The following FBLN5 variants were observed in gnomAD, a reference collection of about 807,000 sequenced individuals.
FBLN5 encodes the protein fibulin-5.
In FBLN5, 24 loss-of-function variants were observed where a neutral mutation model predicts 61.6. The ratio of observed to expected loss-of-function variants is 0.39; its 90% CI spans 0.28 to 0.55. The LOEUF (loss-of-function observed/expected upper bound fraction) is 0.55, where lower values mean the gene tolerates loss of function less well. FBLN5 is among the 20% of genes least tolerant of loss of function. The pLI is 0.65. For missense variants in FBLN5, 470 were observed against 594.1 expected, an observed-to-expected ratio of 0.79 and a Z score of 2.17; for synonymous variants, 213 against 219.8, an observed-to-expected ratio of 0.97 and a Z score of 0.27.
chr14:91,928,857 G>A (rs2055874313), intron 4 of FBLN5, among the ~76,000 whole-genome samples: 1 of 151,974 alleles, frequency 6.6e-6, no homozygotes, highest in Admixed American at 6.6e-5. Flanking sequence ...AGGAGATCGA[G>A]ACCATCCTGG....
At chr14:91,945,737 C>A (rs2056173404) in intron 1 of FBLN5, among the ~76,000 whole-genome samples, 1 of 152,048 alleles carries the variant, frequency 6.6e-6, no homozygotes, top group South Asian at 2.1e-4. Context: ...GTCCCCAATC[C>A]AAAAAATAAG....
At chr14:91,914,528 T>C (rs1343544649) in intron 4 of FBLN5, among the ~76,000 whole-genome samples, 2 of 145,474 alleles carry the variant, frequency 1.4e-5, no homozygotes, top group African/African-American at 5.1e-5. Context: ...GGCAGTATAG[T>C]ACATACCTGT....
intron 4 of FBLN5, among the ~76,000 whole-genome samples, chr14:91,930,195 C>T (rs567936050): frequency 6.6e-6 from 1 of 152,306 alleles, no homozygotes; most frequent in Admixed American, 6.5e-5. Flanking sequence ...TATGATAAGC[C>T]AGCCTCGATG....
chr14:91,878,888 G>C (rs1262764447), intron 9 of FBLN5, among the ~76,000 whole-genome samples: 1 of 152,192 alleles, frequency 6.6e-6, no homozygotes, highest in African/African-American at 2.4e-5. Flanking sequence ...AGGATGACTT[G>C]AGTCCAGGAG....
At chr14:91,870,598 C>A (rs1888877206) in intron 10 of FBLN5, among the ~76,000 whole-genome samples, 1 of 152,234 alleles carries the variant, frequency 6.6e-6, no homozygotes, top group South Asian at 2.1e-4. Flanking sequence ...CTAAGAGGAG[C>A]CTTCTCTGGT....
At chr14:91,894,538 T>C (rs567747108) in intron 5 of FBLN5, among the ~76,000 whole-genome samples, 93 of 148,414 alleles carry the variant, frequency 6.3e-4, no homozygotes, top group Non-Finnish European at 4.3e-4. Flanking sequence ...CTGGCCAACA[T>C]GGCAAAAGCC....
chr14:91,892,463 C>T (rs1890035262), intron 5 of FBLN5, among the ~76,000 whole-genome samples: 1 of 152,224 alleles, frequency 6.6e-6, no homozygotes, highest in South Asian at 2.1e-4. Context: ...GGAAGGACTC[C>T]ACCTCCCAGA....
chr14:91,924,144 G>A (rs943885954), intron 4 of FBLN5, among the ~76,000 whole-genome samples: 1 of 152,172 alleles, frequency 6.6e-6, no homozygotes, highest in Admixed American at 6.5e-5. Context: ...TCATCACCAA[G>A]GTCTGATTGC....
chr14:91,910,206 A>G (rs1472944363), intron 4 of FBLN5, among the ~76,000 whole-genome samples: 3 of 152,174 alleles, frequency 2.0e-5, no homozygotes, highest in Non-Finnish European at 4.4e-5. Context: ...AAAGGAAGGA[A>G]ACTCTAGCAC....
intron 5 of FBLN5, among the ~76,000 whole-genome samples, chr14:91,891,539 C>A (rs1889997823): frequency 6.6e-6 from 1 of 152,140 alleles, no homozygotes; most frequent in Non-Finnish European, 1.5e-5. Context: ...CAATCTTTCC[C>A]CTCCTCGACC....
chr14:91,889,681 C>T (rs750901126), intron 6 of FBLN5, among the ~76,000 whole-genome samples: 4 of 152,242 alleles, frequency 2.6e-5, no homozygotes, highest in African/African-American at 9.6e-5. Context: ...CTTCCACACA[C>T]GAAGAGTCAG....
intron 9 of FBLN5, 86 bp downstream of exon 9, chr14:91,881,206 G>A: frequency 6.6e-7 from 1 of 1,514,200 alleles, no homozygotes; most frequent in Admixed American, 1.7e-5. Context: ...TTCCTGGCTG[G>A]TGCACTCTCT....
chr14:91,918,205 T>C (rs1230648423), intron 4 of FBLN5, among the ~76,000 whole-genome samples: 1 of 152,176 alleles, frequency 6.6e-6, no homozygotes, highest in Non-Finnish European at 1.5e-5. Flanking sequence ...CACATACCAT[T>C]TGGGAACAAA....
chr14:91,930,029 C>G (rs2055896948), intron 4 of FBLN5, among the ~76,000 whole-genome samples: 1 of 152,118 alleles, frequency 6.6e-6, no homozygotes, highest in Non-Finnish European at 1.5e-5. Context: ...TTTCAACTCC[C>G]TAAACGACAC....
intron 3 of FBLN5, among the ~76,000 whole-genome samples, chr14:91,937,938 A>G (rs2056046566): frequency 1.3e-5 from 2 of 152,266 alleles, no homozygotes; most frequent in Admixed American, 1.3e-4. Context: ...AAAGTCTTAC[A>G]TGACTACAGC....
At chr14:91,893,483 A>G (rs2244505) in intron 5 of FBLN5, among the ~76,000 whole-genome samples, 78,385 of 151,594 alleles carry the variant, frequency 0.52, 20,765 homozygotes, top group Admixed American at 0.67. Flanking sequence ...CAAGAAACTT[A>G]GAAAGAGGTA....
In FBLN5 at chr14:91,891,244, T is replaced by C. The variant is rs745867638; in HGVS notation, c.596A>G (p.Asn199Ser). The change falls in exon 6 of 11, where the codon AAT becomes AGT. Residue 199 changes from asparagine to serine, a missense_variant. Coordinates refer to ENST00000342058, the MANE Select transcript of FBLN5 (RefSeq NM_006329.4). ...SCTCNPGFTL[N>S]EDGRSCQDVN... ...ACCTTGGCAAGACCTTCCATCCTCA[T>C]TGAGGGTAAAACCAGGGTTGCATGT... 5.0e-6 allele frequency: 8 copies of C among 1,610,640 alleles called. No homozygotes were observed. The highest frequency in any genetic ancestry group is 2.2e-5 in the South Asian group (2 of 90,996).
chr14:91,924,412 G>A (rs1201923547), intron 4 of FBLN5, among the ~76,000 whole-genome samples: 5 of 152,192 alleles, frequency 3.3e-5, no homozygotes, highest in East Asian at 1.9e-4. Context: ...GTGAGACCGC[G>A]TGTGGTGGCT....
intron 5 of FBLN5, among the ~76,000 whole-genome samples, chr14:91,894,137 A>G (rs2139980903): frequency 6.6e-6 from 1 of 152,126 alleles, no homozygotes; most frequent in East Asian, 1.9e-4. Context: ...GGTGGCTCAC[A>G]CCTGTAATCT....
Sources: gnomAD v4.1 joint callset for allele counts (sites outside exome capture counted in the v4.1 genomes callset) on GRCh38, gnomAD v4.1.1 for gene constraint, MANE v1.5 for transcripts, NCBI Gene and HGNC (gene_info 2026-07-23, HGNC 2026-07-21) for gene names.